RGS7: variants seen among roughly 807,000 people sequenced by gnomAD.
RGS7 encodes the protein regulator of G protein signaling 7.
In RGS7, 27 loss-of-function variants were observed where a neutral mutation model predicts 81.1. That is an observed-to-expected ratio of 0.33 (90% CI 0.25 to 0.46). RGS7 has a LOEUF of 0.46. Ranked by LOEUF, RGS7 falls within the 20% of genes least tolerant of loss-of-function variation. RGS7 has a pLI of 1.00. For missense variants in RGS7, 396 were observed against 607.4 expected, an observed-to-expected ratio of 0.65 and a Z score of 3.66; for synonymous variants, 208 against 207.7, an observed-to-expected ratio of 1.00 and a Z score of -0.01.
At chr1:241,290,057 A>G (rs886257381) in intron 2 of RGS7, among the ~76,000 whole-genome samples, 2 of 152,214 alleles carry the variant, frequency 1.3e-5, no homozygotes, top group African/African-American at 4.8e-5. Context: ...CTATGTCAGT[A>G]TTTTTATATA....
At chr1:241,035,893 A>G (rs1026101105) in intron 3 of RGS7, among the ~76,000 whole-genome samples, 3 of 152,210 alleles carry the variant, frequency 2.0e-5, no homozygotes, top group African/African-American at 7.2e-5. Flanking sequence ...TCGTTGAATT[A>G]TCTTCCCTTC....
At chr1:240,969,767 T>G (rs1384154773) in intron 4 of RGS7, among the ~76,000 whole-genome samples, 1 of 152,234 alleles carries the variant, frequency 6.6e-6, no homozygotes, top group African/African-American at 2.4e-5. Flanking sequence ...TGTGTTGGCA[T>G]GATGCCGACA....
At chr1:241,220,167 T>C (rs2074809822) in intron 2 of RGS7, among the ~76,000 whole-genome samples, 1 of 152,224 alleles carries the variant, frequency 6.6e-6, no homozygotes, top group Admixed American at 6.5e-5. Flanking sequence ...AATGTATTTG[T>C]TATTTAAATA....
chr1:240,855,951 C>T (rs1482347741), intron 9 of RGS7, among the ~76,000 whole-genome samples: 1 of 152,062 alleles, frequency 6.6e-6, no homozygotes, highest in African/African-American at 2.4e-5. Context: ...AAAGGTTAAA[C>T]TCTTTTCCCA....
At chr1:240,863,799 A>G (rs897696316) in intron 9 of RGS7, among the ~76,000 whole-genome samples, 1 of 152,210 alleles carries the variant, frequency 6.6e-6, no homozygotes, top group Non-Finnish European at 1.5e-5. Context: ...ACACCTATAA[A>G]TACAGCTATT....
intron 2 of RGS7, among the ~76,000 whole-genome samples, chr1:241,155,514 T>C (rs2069055610): frequency 6.6e-6 from 1 of 151,580 alleles, no homozygotes; most frequent in African/African-American, 2.4e-5. Context: ...GCCAAGAGAT[T>C]TGAGAACTGT....
chr1:241,019,149 G>A (rs2059418259), intron 3 of RGS7, among the ~76,000 whole-genome samples: 1 of 152,054 alleles, frequency 6.6e-6, no homozygotes, highest in Non-Finnish European at 1.5e-5. Flanking sequence ...TCTGCCCTCA[G>A]TTTCCAGAAA....
At chr1:241,290,046 T>C (rs1356769889) in intron 2 of RGS7, among the ~76,000 whole-genome samples, 1 of 152,256 alleles carries the variant, frequency 6.6e-6, no homozygotes, top group Admixed American at 6.5e-5. Context: ...TACTACACTT[T>C]CTATGTCAGT....
chr1:241,353,748 G>A (rs1295407079), intron 2 of RGS7, among the ~76,000 whole-genome samples: 1 of 152,198 alleles, frequency 6.6e-6, no homozygotes, highest in Non-Finnish European at 1.5e-5. Context: ...AAAAAATGAG[G>A]TAGTACATTC....
intron 6 of RGS7, among the ~76,000 whole-genome samples, chr1:240,885,836 A>C (rs1667258049): frequency 1.3e-5 from 2 of 152,130 alleles, no homozygotes; most frequent in Non-Finnish European, 2.9e-5. Context: ...TAATCTGTAC[A>C]CCAAACCCCT....
intron 9 of RGS7, among the ~76,000 whole-genome samples, chr1:240,853,156 C>G (rs1380303): frequency 5.7e-4 from 87 of 152,206 alleles, no homozygotes; most frequent in African/African-American, 1.8e-3. Flanking sequence ...GCCTGATTTT[C>G]TTAGAAAAAA....
intron 18 of RGS7, among the ~76,000 whole-genome samples, chr1:240,782,825 C>T (rs540467757): frequency 1.3e-5 from 2 of 152,244 alleles, no homozygotes; most frequent in South Asian, 4.1e-4. Context: ...AAATTGCTTA[C>T]AATAATTCTA....
chr1:241,033,153 C>T (rs961255530), intron 3 of RGS7, among the ~76,000 whole-genome samples: 1 of 152,174 alleles, frequency 6.6e-6, no homozygotes, highest in South Asian at 2.1e-4. Flanking sequence ...GAGTTCGAGA[C>T]CAGCCTGGCC....
At chr1:241,001,384 C>T (rs569750703) in intron 3 of RGS7, among the ~76,000 whole-genome samples, 1 of 151,892 alleles carries the variant, frequency 6.6e-6, no homozygotes, top group South Asian at 2.1e-4. Flanking sequence ...ATAAAAAAGG[C>T]AACAATTTTA....
At chr1:241,007,117 A>G (rs2058721292) in intron 3 of RGS7, among the ~76,000 whole-genome samples, 1 of 152,024 alleles carries the variant, frequency 6.6e-6, no homozygotes, top group African/African-American at 2.4e-5. Flanking sequence ...GGGTTTCACC[A>G]TGTTGGCCAG....
In RGS7 at chr1:241,220,994, G is replaced by GAAGGAAGGAAGAAAGA. The variant is rs1553289421; in HGVS notation, c.79-122233_79-122232insTCTTTCTTCCTTCCTT. On this transcript the variant is annotated intron_variant, in intron 2 of 18. Transcript: ENST00000440928. ...GGAAGGAAGGAAGGAAGGAAGGAAG[G>GAAGGAAGGAAGAAAGA]AAGAGAGAGAGAAAGGAAGGAAGGA... 2.2e-4 allele frequency among the ~76,000 whole-genome samples: 21 copies of GAAGGAAGGAAGAAAGA among 93,582 alleles called. 1 individual carries two copies. Among genetic ancestry groups the GAAGGAAGGAAGAAAGA allele is most frequent in the Admixed American group, 1.1e-3 (9 of 8,008 alleles). 61.4% of individuals were successfully genotyped at this position (93,582 alleles called of 152,430 possible).
At chr1:241,100,481 T>A (rs796194149) in intron 2 of RGS7, among the ~76,000 whole-genome samples, 18 of 151,966 alleles carry the variant, frequency 1.2e-4, no homozygotes, top group African/African-American at 3.4e-4. Flanking sequence ...TATGTTGTAA[T>A]CACACTATGA....
chr1:240,967,176 T>G lies in RGS7; in HGVS notation c.226+15903A>C, dbSNP rs201083411. Among the ~76,000 whole-genome samples, 40 of 152,294 alleles carry G rather than the reference T, an allele frequency of 2.6e-4. 1 individual carries two copies. The East Asian group carries it at 6.6e-3, about 25-fold the overall frequency. ...TCTTAAATTGTTCTTGAGGTCAATCTGACAGTCGGATATGAGACTTTAGAA... is the reference window on the plus strand; with the variant it reads ...TCTTAAATTGTTCTTGAGGTCAATCGGACAGTCGGATATGAGACTTTAGAA... On this transcript the variant is annotated intron_variant, in intron 4 of 18. Transcript: ENST00000440928.
At chr1:241,065,970 C>G (rs1001013351) in intron 3 of RGS7, among the ~76,000 whole-genome samples, 1 of 151,818 alleles carries the variant, frequency 6.6e-6, no homozygotes, top group Non-Finnish European at 1.5e-5. Context: ...GTATTATTTA[C>G]CAAAGAATAG....
Sources: allele counts gnomAD v4.1 joint callset (sites outside exome capture counted in the v4.1 genomes callset), GRCh38; gene constraint gnomAD v4.1.1; transcripts MANE v1.5; gene names NCBI Gene and HGNC (gene_info 2026-07-23, HGNC 2026-07-21).